ACOT12: variants seen among roughly 807,000 people sequenced by gnomAD.
The protein encoded by ACOT12 is acetyl-coenzyme A thioesterase.
ACOT12 carries 51 observed loss-of-function variants against 67.7 expected under a neutral mutation model. That is an observed-to-expected ratio of 0.75 (90% CI 0.60 to 0.95). The LOEUF is 0.95. Among genes scored for constraint, ACOT12 ranks in the 40% least tolerant of loss-of-function variants. The probability of loss-of-function intolerance (pLI) is 0.00; values close to 1 mark genes in which losing one functional copy is unlikely to be tolerated. For missense variants in ACOT12, 734 were observed against 708.1 expected, an observed-to-expected ratio of 1.04 and a Z score of -0.41; for synonymous variants, 251 against 244.6, an observed-to-expected ratio of 1.03 and a Z score of -0.24.
At position 81,378,246 on chromosome 5, in the gene ACOT12, T is replaced by C. The variant is rs530306704; in HGVS notation, c.198-6436A>G. ...AACAAGCAATGGAGAAAGGATTCTC[T>C]ATTTAATAAATGGCGTTAGGAAAAC... On this transcript the variant is annotated intron_variant, in intron 2 of 14. Coordinates refer to ENST00000307624, the MANE Select transcript of ACOT12 (RefSeq NM_130767.3). 4.6e-5 allele frequency among the ~76,000 whole-genome samples: 7 copies of C among 152,322 alleles called. No individual in the cohort carries two copies. The East Asian group carries it at 1.3e-3, about 29-fold the overall frequency.
the ACOT12 span, among the ~76,000 whole-genome samples, chr5:81,323,360 G>A: frequency 2.0e-5 from 3 of 152,148 alleles, no homozygotes; most frequent in African/African-American, 4.8e-5. Flanking sequence ...GTTTGGGTTC[G>A]GCTGATCTAA....
chr5:81,391,727 A>G (rs1760869514), intron 1 of ACOT12, among the ~76,000 whole-genome samples: 1 of 152,242 alleles, frequency 6.6e-6, no homozygotes, highest in Admixed American at 6.5e-5. Flanking sequence ...AGTCTGCATG[A>G]AACATGATGA....
chr5:81,393,006 G>A (rs1760903643), intron 1 of ACOT12, among the ~76,000 whole-genome samples: 1 of 152,210 alleles, frequency 6.6e-6, no homozygotes, highest in Non-Finnish European at 1.5e-5. Context: ...TCCAAATAGA[G>A]TCACACCAGG....
At chr5:81,326,140 T>TTTTTTTTTTTTTTTTTTTTC (rs1561315795), downstream of ACOT12, among the ~76,000 whole-genome samples, 2 of 147,320 alleles carry the variant, frequency 1.4e-5, no homozygotes, top group African/African-American at 5.1e-5. Context: ...TTTTTTTTTT[T>TTTTTTTTTTTTTTTTTTTTC]TTGTGAGTCG....
chr5:81,379,563 G>A (rs971024154), intron 2 of ACOT12, among the ~76,000 whole-genome samples: 3 of 152,100 alleles, frequency 2.0e-5, no homozygotes, highest in Non-Finnish European at 4.4e-5. Flanking sequence ...ACCCCATGAG[G>A]TGGGCATTAT....
At chr5:81,370,568 A>C (rs939142768) in intron 3 of ACOT12, among the ~76,000 whole-genome samples, 9 of 152,232 alleles carry the variant, frequency 5.9e-5, no homozygotes, top group Non-Finnish European at 1.5e-5. Flanking sequence ...GAACACGTGA[A>C]GATGAAGGCA....
rs140276666 is a variant in ACOT12, at chr5:81,357,175, G to A, written c.496+2728C>T. Among the ~76,000 whole-genome samples, 479 of 152,178 alleles carry A rather than the reference G, an allele frequency of 3.1e-3. 3 individuals carry two copies. The highest frequency in any genetic ancestry group is 0.011 in the African/African-American group (453 of 41,522). ...TTCTTCTCATAGCCCCTCCTGCAGC[G>A]AGTCTCTCGTGAACCCTGAAGGGCC... On this transcript the variant is annotated intron_variant, in intron 5 of 14. Transcript: ENST00000307624.
intron 1 of ACOT12, among the ~76,000 whole-genome samples, chr5:81,388,945 C>T (rs1223958759): frequency 2.6e-5 from 4 of 152,210 alleles, no homozygotes; most frequent in Non-Finnish European, 5.9e-5. Context: ...AAGTGCCTTC[C>T]ACCTTCCACC....
chr5:81,376,870 C>T (rs1002067673), intron 2 of ACOT12, among the ~76,000 whole-genome samples: 1 of 152,116 alleles, frequency 6.6e-6, no homozygotes, highest in African/African-American at 2.4e-5. Context: ...CAAAAAAAGT[C>T]CAGGCCCAGA....
Position 81,330,381 on chromosome 5 carries a change from T to G in ACOT12, c.*13A>C, listed in dbSNP as rs1377041677. On this transcript the variant is annotated 3_prime_UTR_variant, in exon 15 of 15. Coordinates refer to ENST00000307624, the MANE Select transcript of ACOT12 (RefSeq NM_130767.3). ...AGTGGGAAATTAAATTACCAGTAAT[T>G]GAAAGTTGACCTTTAAAATGTGCTT... The G allele has an allele frequency of 6.2e-7, 1 of 1,604,226 alleles. No individual in the cohort carries two copies. The highest frequency in any genetic ancestry group is 2.2e-5 in the East Asian group (1 of 44,758).
Position 81,367,153 on chromosome 5 carries a change from C to T in ACOT12, c.259-3264G>A, listed in dbSNP as rs564091079. 2.0e-5 allele frequency among the ~76,000 whole-genome samples: 3 copies of T among 152,126 alleles called. No homozygotes were observed. In the South Asian group the frequency reaches 6.2e-4, roughly 32 times the overall value. Reference sequence around the variant, plus strand: ...TGAAGATGAAACAAACACATTTTTACACGAACAAAAGCTGAAAAAGAAATG... The same window carrying T: ...TGAAGATGAAACAAACACATTTTTATACGAACAAAAGCTGAAAAAGAAATG... On this transcript the variant is annotated intron_variant, in intron 3 of 14. Transcript: ENST00000307624.
At chr5:81,381,469 C>A (rs1214451614) in intron 2 of ACOT12, among the ~76,000 whole-genome samples, 1 of 152,136 alleles carries the variant, frequency 6.6e-6, no homozygotes, top group Admixed American at 6.5e-5. Flanking sequence ...GGAAATACTA[C>A]ATATTTTACA....
At position 81,330,105 on chromosome 5, in the gene ACOT12, C is replaced by T. The variant is rs1299580435; in HGVS notation, c.*289G>A. On this transcript the variant is annotated 3_prime_UTR_variant, in exon 15 of 15. Coordinates refer to ENST00000307624, the MANE Select transcript of ACOT12 (RefSeq NM_130767.3). ...TACGATAATTTAAACTAAATTCATG[C>T]CATTTTATAGAACACATAGTACTGC... The T allele has an allele frequency of 6.7e-5, 15 of 224,778 alleles. No individual in the cohort carries two copies. In the East Asian group the frequency reaches 1.3e-3, roughly 19 times the overall value. The allele number at this position is 224,778 out of a possible 1,614,324, so 13.9% of individuals were successfully genotyped here.
intron 1 of ACOT12, 22 bp from the exon 2 acceptor site, chr5:81,385,848 G>T (rs1304071060): frequency 6.2e-7 from 1 of 1,609,896 alleles, no homozygotes; most frequent in Non-Finnish European, 8.5e-7. Flanking sequence ...ACATAAAAAT[G>T]TGCTGCTTTA....
Position 81,394,078 on chromosome 5 carries a change from G to A in ACOT12, c.37C>T (p.Gln13Ter). 6.8e-7 allele frequency: 1 copy of A among 1,470,798 alleles called. No individual in the cohort carries two copies. Among genetic ancestry groups the A allele is most frequent in the Non-Finnish European group, 8.9e-7 (1 of 1,117,702 alleles). 91.1% of individuals were successfully genotyped at this position (1,470,798 alleles called of 1,614,324 possible). Residue 13 changes from glutamine to a stop codon, truncating the protein, a stop_gained, in exon 1 of 15, where the codon CAA becomes TAA. Transcript: ENST00000307624. LOFTEE classifies it high-confidence loss of function. ...RPAPGEVVMS[Q>*]AIQPAHATAR... The stretch of plus-strand genomic sequence containing the variant: ...GTGGCGTGCGCCGGCTGGATGGCTT[G>A]GCTCATGACCACCTCGCCGGGCGCC...
At chr5:81,372,076 C>A (rs1252343421) in intron 2 of ACOT12, among the ~76,000 whole-genome samples, 1 of 152,220 alleles carries the variant, frequency 6.6e-6, no homozygotes, top group Non-Finnish European at 1.5e-5. Context: ...TGCGACATGA[C>A]TCCAAATCGG....
chr5:81,385,720 A>G, intron 2 of ACOT12, 37 bp downstream of exon 2: 1 of 1,605,800 alleles, frequency 6.2e-7, no homozygotes, highest in East Asian at 2.2e-5. Context: ...GAACCCACAA[A>G]CCCAGGAGAA....
intron 2 of ACOT12, among the ~76,000 whole-genome samples, chr5:81,379,460 C>T (rs1760516120): frequency 6.6e-6 from 1 of 151,928 alleles, no homozygotes; most frequent in African/African-American, 2.4e-5. Context: ...GCACATGTAC[C>T]CCAGAACTTA....
At chr5:81,333,787 A>G (rs1422951063) in intron 12 of ACOT12, among the ~76,000 whole-genome samples, 1 of 151,774 alleles carries the variant, frequency 6.6e-6, no homozygotes, top group East Asian at 1.9e-4. Flanking sequence ...GGGCAGGGAA[A>G]TGTTGGGTAG....
Sources: allele counts gnomAD v4.1 joint callset (sites outside exome capture counted in the v4.1 genomes callset), GRCh38; gene constraint gnomAD v4.1.1; transcripts MANE v1.5; gene names NCBI Gene and HGNC (gene_info 2026-07-23, HGNC 2026-07-21).